The following ATP13A4 variants were observed in gnomAD, a reference collection of about 807,000 sequenced individuals.
ATP13A4 encodes the protein probable cation-transporting ATPase 13A4.
ATP13A4 carries 114 observed loss-of-function variants against 142.5 expected under a neutral mutation model. The observed-to-expected ratio is 0.80, with a 90% confidence interval of 0.69 to 0.93. The LOEUF is 0.93. ATP13A4 is among the 40% of genes least tolerant of loss of function. The probability of loss-of-function intolerance (pLI) is 0.00; values close to 1 mark genes in which losing one functional copy is unlikely to be tolerated. For synonymous variants in ATP13A4, 488 were observed against 514.8 expected (o/e 0.95, Z 0.70); for missense variants, 1,392 against 1,454.0 (o/e 0.96, Z 0.69).
At chr3:193,525,804 G>T (rs1335214730) in intron 1 of ATP13A4, among the ~76,000 whole-genome samples, 1 of 152,152 alleles carries the variant, frequency 6.6e-6, no homozygotes, top group Non-Finnish European at 1.5e-5. Context: ...TTGAAAGTTT[G>T]TGCCTAAACA....
At chr3:193,569,988 T>A (rs1002458598) in intron 2 of ATP13A4, among the ~76,000 whole-genome samples, 12 of 152,236 alleles carry the variant, frequency 7.9e-5, no homozygotes, top group African/African-American at 2.4e-4. Context: ...GTTTATTTTT[T>A]AAAAATTACG....
intron 25 of ATP13A4, among the ~76,000 whole-genome samples, chr3:193,420,507 G>A (rs1715351972): frequency 6.7e-6 from 1 of 149,664 alleles, no homozygotes; most frequent in Non-Finnish European, 1.5e-5. Context: ...TAATTCTCCA[G>A]TAACTGACCC....
intron 25 of ATP13A4, among the ~76,000 whole-genome samples, chr3:193,417,503 T>C (rs1387939903): frequency 6.6e-6 from 1 of 152,256 alleles, no homozygotes; most frequent in Non-Finnish European, 1.5e-5. Flanking sequence ...CAAACTACAC[T>C]GTTATAAATT....
At chr3:193,585,097 G>A (rs1034849194) in intron 1 of ATP13A4, among the ~76,000 whole-genome samples, 10 of 152,060 alleles carry the variant, frequency 6.6e-5, no homozygotes, top group Admixed American at 6.6e-4. Context: ...ACATAAATTC[G>A]CAAACTTTGT....
Position 193,420,661 on chromosome 3 carries a change from G to C in ATP13A4, c.2843-5911C>G, listed in dbSNP as rs559221223. ...AAATTTAGGAAAATTAGGAAAATTA[G>C]GAGAAGAGTTTAAAGAATTTAAATG... On this transcript the variant is annotated intron_variant, in intron 25 of 29. Coordinates refer to ENST00000342695, the MANE Select transcript of ATP13A4 (RefSeq NM_032279.4). Among the ~76,000 whole-genome samples, 127 of 149,408 alleles carry C rather than the reference G, an allele frequency of 8.5e-4. 7 individuals carry two copies. Among genetic ancestry groups the C allele is most frequent in the African/African-American group, 2.9e-3 (119 of 40,722 alleles).
intron 17 of ATP13A4, among the ~76,000 whole-genome samples, chr3:193,449,761 A>G (rs1008711978): frequency 6.6e-6 from 1 of 152,140 alleles, no homozygotes; most frequent in African/African-American, 2.4e-5. Flanking sequence ...ATGATCTGCT[A>G]TTGAAACCCT....
chr3:193,429,188 C>A (rs974509513), intron 25 of ATP13A4, among the ~76,000 whole-genome samples: 3 of 152,032 alleles, frequency 2.0e-5, no homozygotes, highest in East Asian at 1.9e-4. Context: ...AGCAATTAGA[C>A]CCCTTATACA....
At chr3:193,457,558 G>T in intron 14 of ATP13A4, 93 bp from the exon 15 acceptor site, 1 of 1,161,486 alleles carries the variant, frequency 8.6e-7, no homozygotes, top group Non-Finnish European at 1.3e-6. Flanking sequence ...AAGATCCTCA[G>T]ACCACCTCAA....
chr3:193,494,593 C>T (rs1247803414), intron 3 of ATP13A4, among the ~76,000 whole-genome samples: 4 of 151,894 alleles, frequency 2.6e-5, no homozygotes, highest in Non-Finnish European at 4.4e-5. Flanking sequence ...AATGAAAACA[C>T]AGCTTACCAA....
intron 25 of ATP13A4, among the ~76,000 whole-genome samples, chr3:193,433,229 T>A (rs1164569553): frequency 6.6e-6 from 1 of 152,222 alleles, no homozygotes. Flanking sequence ...ACGCTGATAG[T>A]AGCAGAGGCT....
chr3:193,576,286 A>T, intron 2 of ATP13A4, among the ~76,000 whole-genome samples: 1 of 62,170 alleles, frequency 1.6e-5, no homozygotes, highest in African/African-American at 5.6e-5. Flanking sequence ...TTTTTTTGAG[A>T]CGGAGTCTCG....
intron 1 of ATP13A4, among the ~76,000 whole-genome samples, chr3:193,584,537 C>A (rs1724632074): frequency 6.6e-6 from 1 of 152,032 alleles, no homozygotes; most frequent in Admixed American, 6.5e-5. Context: ...AGGCTCTTTG[C>A]CTGTTATGCT....
At chr3:193,428,125 G>A (rs892250110) in intron 25 of ATP13A4, among the ~76,000 whole-genome samples, 10 of 152,082 alleles carry the variant, frequency 6.6e-5, no homozygotes, top group African/African-American at 1.9e-4. Context: ...TAAAAAGTGG[G>A]CAAAGGATAT....
intron 8 of ATP13A4, among the ~76,000 whole-genome samples, chr3:193,479,581 T>C (rs1719175044): frequency 1.3e-5 from 2 of 152,056 alleles, no homozygotes; most frequent in Non-Finnish European, 2.9e-5. Flanking sequence ...ATGACCTCTA[T>C]AAGGAAAACT....
intron 1 of ATP13A4, among the ~76,000 whole-genome samples, chr3:193,539,328 A>G (rs1317176563): frequency 6.6e-6 from 1 of 152,188 alleles, no homozygotes; most frequent in Non-Finnish European, 1.5e-5. Flanking sequence ...CAAAACCATC[A>G]CAATGGCCAA....
chr3:193,533,913 C>T (rs1722458304), intron 1 of ATP13A4, among the ~76,000 whole-genome samples: 1 of 152,164 alleles, frequency 6.6e-6, no homozygotes, highest in Non-Finnish European at 1.5e-5. Flanking sequence ...CCTCCACCCC[C>T]ACCAGCATTA....
chr3:193,565,754 G>A (rs1000301702), intron 2 of ATP13A4, among the ~76,000 whole-genome samples: 4 of 152,156 alleles, frequency 2.6e-5, no homozygotes, highest in Non-Finnish European at 5.9e-5. Flanking sequence ...GACAGCCAGG[G>A]GGCTTGCAGA....
At chr3:193,518,656 AAT>A (rs1447334127) in intron 1 of ATP13A4, among the ~76,000 whole-genome samples, 1 of 152,244 alleles carries the variant, frequency 6.6e-6, no homozygotes, top group Non-Finnish European at 1.5e-5. Context: ...ATGGGCAAAT[AAT>A]ATGAGTGTGT....
intron 1 of ATP13A4, among the ~76,000 whole-genome samples, chr3:193,542,795 G>A (rs933080201): frequency 2.0e-5 from 3 of 152,142 alleles, no homozygotes; most frequent in Non-Finnish European, 4.4e-5. Flanking sequence ...ATTGAAACTG[G>A]ACCCTGTCCT....
Sources: allele counts gnomAD v4.1 joint callset (sites outside exome capture counted in the v4.1 genomes callset), GRCh38; gene constraint gnomAD v4.1.1; transcripts MANE v1.5; gene names NCBI Gene and HGNC (gene_info 2026-07-23, HGNC 2026-07-21).